Variants in TBC1D1 observed in about 807,000 individuals in gnomAD.
TBC1D1 encodes TBC1 (tre-2/USP6, BUB2, cdc16) domain family, member 1.
A neutral mutation model predicts 125.6 loss-of-function variants in TBC1D1; 89 were observed. That is an observed-to-expected ratio of 0.71 (90% CI 0.60 to 0.85). The LOEUF (loss-of-function observed/expected upper bound fraction) is 0.85. Ranked by LOEUF, TBC1D1 falls within the 40% of genes least tolerant of loss-of-function variation. TBC1D1 has a pLI of 0.00. For missense variants in TBC1D1, 1,377 were observed against 1,469.2 expected (o/e 0.94, Z 1.03); for synonymous variants, 565 against 564.1 (o/e 1.00, Z -0.02).
intron 2 of TBC1D1, among the ~76,000 whole-genome samples, chr4:38,012,339 G>C (rs544044102): frequency 1.4e-4 from 21 of 152,264 alleles, no homozygotes; most frequent in African/African-American, 4.3e-4. Context: ...GGAGTGCAGT[G>C]GTACTGTCTT....
At chr4:37,939,839 A>G (rs1483619919) in intron 2 of TBC1D1, among the ~76,000 whole-genome samples, 1 of 152,014 alleles carries the variant, frequency 6.6e-6, no homozygotes, top group Non-Finnish European at 1.5e-5. Context: ...TTATAGATGC[A>G]TGGTATTATT....
intron 2 of TBC1D1, among the ~76,000 whole-genome samples, chr4:37,931,253 C>T (rs1199588681): frequency 2.0e-5 from 3 of 152,070 alleles, no homozygotes; most frequent in African/African-American, 7.2e-5. Context: ...CCTGCCACCA[C>T]ATCTGGCTAA....
At chr4:37,939,243 T>C (rs1436695623) in intron 2 of TBC1D1, among the ~76,000 whole-genome samples, 2 of 152,240 alleles carry the variant, frequency 1.3e-5, no homozygotes, top group African/African-American at 2.4e-5. Flanking sequence ...TGATATCTCA[T>C]TGTGGTTTTG....
intron 14 of TBC1D1, among the ~76,000 whole-genome samples, chr4:38,099,211 T>C (rs67587549): frequency 0.15 from 23,402 of 152,044 alleles, 2,259 homozygotes; most frequent in East Asian, 0.44. Flanking sequence ...TGTTTAATAG[T>C]CAAAACAAAA....
At chr4:37,962,665 A>T (rs1035898159) in intron 2 of TBC1D1, among the ~76,000 whole-genome samples, 3 of 152,210 alleles carry the variant, frequency 2.0e-5, no homozygotes, top group African/African-American at 7.2e-5. Context: ...CCTGTAAATA[A>T]AGAGGTTTAG....
At chr4:38,120,781 G>A (rs1763714387) in intron 17 of TBC1D1, among the ~76,000 whole-genome samples, 1 of 152,140 alleles carries the variant, frequency 6.6e-6, no homozygotes, top group Admixed American at 6.5e-5. Context: ...GTACAGCAGG[G>A]CCCTGGGAGA....
At chr4:38,076,384 G>A (rs144715520) in intron 12 of TBC1D1, among the ~76,000 whole-genome samples, 11 of 152,282 alleles carry the variant, frequency 7.2e-5, no homozygotes, top group Middle Eastern at 3.4e-3. Flanking sequence ...ATGAGAATTG[G>A]TGGTGACATA....
chr4:37,956,695 C>T (rs548072762), intron 2 of TBC1D1, among the ~76,000 whole-genome samples: 13 of 151,986 alleles, frequency 8.6e-5, no homozygotes, highest in Middle Eastern at 6.8e-3. Context: ...ACCTCTAATC[C>T]CAGCACTTTG....
At chr4:38,010,702 C>T (rs907050543) in intron 2 of TBC1D1, among the ~76,000 whole-genome samples, 16 of 152,220 alleles carry the variant, frequency 1.1e-4, no homozygotes, top group Admixed American at 5.9e-4. Context: ...CAGGTCACCA[C>T]CAAATCCTGT....
intron 3 of TBC1D1, among the ~76,000 whole-genome samples, chr4:38,016,418 G>A (rs578067437): frequency 6.6e-6 from 1 of 152,344 alleles, no homozygotes; most frequent in South Asian, 2.1e-4. Flanking sequence ...CCCTCGAGTT[G>A]TCACGGTCTT....
intron 11 of TBC1D1, 72 bp downstream of exon 13, chr4:38,053,297 T>C (rs2152485344): frequency 8.5e-7 from 1 of 1,172,082 alleles, no homozygotes; most frequent in East Asian, 3.2e-5. Context: ...TACAAGGGTG[T>C]TTTAATTACT....
At chr4:37,892,349 G>A (rs952705552) in intron 1 of TBC1D1, among the ~76,000 whole-genome samples, 8 of 152,070 alleles carry the variant, frequency 5.3e-5, no homozygotes, top group South Asian at 2.1e-4. Context: ...CCAGGAGTTC[G>A]AGGCCATAGT....
intron 2 of TBC1D1, among the ~76,000 whole-genome samples, chr4:37,946,269 G>T (rs1287949210): frequency 6.6e-6 from 1 of 152,194 alleles, no homozygotes; most frequent in African/African-American, 2.4e-5. Flanking sequence ...TTGCAGCACT[G>T]TGGGGTGAAT....
intron 4 of TBC1D1, among the ~76,000 whole-genome samples, 161 bp downstream of exon 4, chr4:38,018,604 G>A (rs1030800753): frequency 2.0e-5 from 3 of 151,878 alleles, no homozygotes; most frequent in Admixed American, 1.3e-4. Flanking sequence ...GGTATGTTAA[G>A]GTAAATTATG....
intron 8 of TBC1D1, among the ~76,000 whole-genome samples, chr4:38,040,802 G>A (rs982977660): frequency 2.7e-4 from 41 of 152,154 alleles, no homozygotes; most frequent in Non-Finnish European, 6.0e-4. Context: ...GCACAGAACC[G>A]GTTGCAACAG....
chr4:38,022,242 G>A (rs752988387), intron 6 of TBC1D1, among the ~76,000 whole-genome samples: 42 of 152,170 alleles, frequency 2.8e-4, no homozygotes, highest in Admixed American at 6.5e-5. Context: ...TAGAAACCTG[G>A]CTTAGGGAGA....
intron 14 of TBC1D1, among the ~76,000 whole-genome samples, chr4:38,101,902 T>TTCCTTTTCCCTCA (rs1760403754): frequency 6.6e-6 from 1 of 152,174 alleles, no homozygotes; most frequent in Non-Finnish European, 1.5e-5. Context: ...TACTTTTCTC[T>TTCCTTTTCCCTCA]TCCTTTTCCC....
chr4:38,076,357 G>T (rs1363911338), intron 12 of TBC1D1, among the ~76,000 whole-genome samples: 1 of 152,178 alleles, frequency 6.6e-6, no homozygotes, highest in Non-Finnish European at 1.5e-5. Context: ...TGGGGATTAT[G>T]AGAACTACAA....
At chr4:38,054,069 T>G (rs1751222347) in intron 11 of TBC1D1, 130 bp from the exon 14 acceptor site, 1 of 1,013,210 alleles carries the variant, frequency 9.9e-7, no homozygotes, top group African/African-American at 1.6e-5. Context: ...TTGATATAAC[T>G]TCTGTGATTG....
Sources: allele counts gnomAD v4.1 joint callset (sites outside exome capture counted in the v4.1 genomes callset), GRCh38; gene constraint gnomAD v4.1.1; transcripts MANE v1.5; gene names NCBI Gene and HGNC (gene_info 2026-07-23, HGNC 2026-07-21).